The following HIVEP3 variants were observed in gnomAD, a reference collection of about 807,000 sequenced individuals.
HIVEP3 encodes transcription factor HIVEP3.
HIVEP3 carries 49 observed loss-of-function variants against 152.8 expected under a neutral mutation model. The observed-to-expected ratio is 0.32, with a 90% CI of 0.26 to 0.41. The LOEUF (loss-of-function observed/expected upper bound fraction) is 0.41, where lower values mean the gene tolerates loss of function less well. Ranked by LOEUF, HIVEP3 falls within the 10% of genes least tolerant of loss-of-function variation. The probability of loss-of-function intolerance (pLI) is 1.00; values close to 1 mark genes in which losing one functional copy is unlikely to be tolerated. For synonymous variants in HIVEP3, 1,269 were observed against 1,289.0 expected, an observed-to-expected ratio of 0.98 and a Z score of 0.33; for missense variants, 2,790 against 3,103.3, an observed-to-expected ratio of 0.90 and a Z score of 2.40.
intron 2 of HIVEP3, among the ~76,000 whole-genome samples, chr1:41,682,640 G>T (rs1275181130): frequency 6.6e-6 from 1 of 152,082 alleles, no homozygotes; most frequent in Non-Finnish European, 1.5e-5. Flanking sequence ...GGGGACAGGT[G>T]GTGCCTAGGG....
At chr1:41,576,525 G>T (rs559744651) in intron 4 of HIVEP3, among the ~76,000 whole-genome samples, 37 of 152,336 alleles carry the variant, frequency 2.4e-4, no homozygotes, top group African/African-American at 8.4e-4. Context: ...CTGTGCTTAG[G>T]GGCTGGGAGT....
chr1:41,623,989 G>A lies in HIVEP3; in HGVS notation c.-522+4760C>T, dbSNP rs74595257. Among the ~76,000 whole-genome samples, 520 of 152,082 alleles carry A rather than the reference G, an allele frequency of 3.4e-3. 1 individual carries two copies. Among genetic ancestry groups the A allele is most frequent in the African/African-American group, 0.012 (482 of 41,528 alleles). On this transcript the variant is annotated intron_variant, in intron 3 of 8. Coordinates refer to ENST00000372583, the MANE Select transcript of HIVEP3 (RefSeq NM_024503.5). Reference sequence around the variant, plus strand: ...TCTTCTGCACCTTTTCTTCAAAGGCGCGGGCCAGAGGTCATTAAAGCAGCC... The same window carrying A: ...TCTTCTGCACCTTTTCTTCAAAGGCACGGGCCAGAGGTCATTAAAGCAGCC...
At chr1:42,026,052 G>C (rs1403724762) in intron 1 of HIVEP3, among the ~76,000 whole-genome samples, 1 of 151,580 alleles carries the variant, frequency 6.6e-6, no homozygotes, top group East Asian at 1.9e-4. Context: ...CTGGGCGACA[G>C]AGCAAGACCC....
At chr1:41,930,515 G>A (rs1254014493) in intron 1 of HIVEP3, among the ~76,000 whole-genome samples, 1 of 152,132 alleles carries the variant, frequency 6.6e-6, no homozygotes, top group Non-Finnish European at 1.5e-5. Context: ...CTGTTCGCCT[G>A]TTGAAGACCA....
At chr1:41,643,248 C>T (rs1645403161) in intron 2 of HIVEP3, among the ~76,000 whole-genome samples, 1 of 152,200 alleles carries the variant, frequency 6.6e-6, no homozygotes, top group African/African-American at 2.4e-5. Context: ...ACCCAGATCC[C>T]CTAGGAAGGT....
At chr1:41,638,494 T>C (rs986462189) in intron 2 of HIVEP3, among the ~76,000 whole-genome samples, 27 of 152,356 alleles carry the variant, frequency 1.8e-4, no homozygotes, top group African/African-American at 6.5e-4. Context: ...TTTGAATGTA[T>C]TTAATAACAC....
At chr1:41,788,818 C>G (rs189618116) in intron 1 of HIVEP3, among the ~76,000 whole-genome samples, 2 of 152,352 alleles carry the variant, frequency 1.3e-5, no homozygotes, top group East Asian at 3.8e-4. Context: ...GTCATGTCAG[C>G]CAGCTCCAAG....
At chr1:41,775,238 A>C (rs1648621276) in intron 1 of HIVEP3, among the ~76,000 whole-genome samples, 1 of 152,200 alleles carries the variant, frequency 6.6e-6, no homozygotes. Context: ...TCTGGATACA[A>C]GACAAACATC....
intron 1 of HIVEP3, among the ~76,000 whole-genome samples, chr1:41,779,210 C>T (rs1373250435): frequency 3.9e-5 from 6 of 152,302 alleles, no homozygotes; most frequent in Non-Finnish European, 5.9e-5. Context: ...CACCTCTGCA[C>T]GCTCTCCTTG....
intron 1 of HIVEP3, among the ~76,000 whole-genome samples, chr1:42,021,608 T>C (rs1171755614): frequency 6.6e-6 from 1 of 152,078 alleles, no homozygotes; most frequent in Admixed American, 6.6e-5. Flanking sequence ...AAACTGGAAA[T>C]ATAAACTTAG....
chr1:41,932,468 G>C (rs1557528361), intron 1 of HIVEP3, among the ~76,000 whole-genome samples: 2 of 151,872 alleles, frequency 1.3e-5, no homozygotes. Context: ...TGGGCACAGA[G>C]TTGTTTGTTG....
chr1:41,536,699 A>AT (rs955266885), intron 5 of HIVEP3, among the ~76,000 whole-genome samples: 1 of 152,192 alleles, frequency 6.6e-6, no homozygotes, highest in Non-Finnish European at 1.5e-5. Context: ...ACAGATTCAG[A>AT]TTTTTAAAAA....
intron 2 of HIVEP3, among the ~76,000 whole-genome samples, chr1:41,661,221 T>A (rs1645706864): frequency 6.6e-6 from 1 of 152,208 alleles, no homozygotes; most frequent in African/African-American, 2.4e-5. Flanking sequence ...TTTGGCTCTA[T>A]CAGTTTCCCC....
At chr1:42,008,531 C>A (rs1238316566) in intron 1 of HIVEP3, among the ~76,000 whole-genome samples, 1 of 152,298 alleles carries the variant, frequency 6.6e-6, no homozygotes, top group East Asian at 1.9e-4. Context: ...ACTGGGATTT[C>A]TTTTCATTGC....
In HIVEP3 at chr1:41,900,813, G is replaced by A. The variant is rs560896181; in HGVS notation, c.-801+17600C>T. ...CATCTGTTAGGAAGGCTGAAGGAGAGGGAGAAAGGGGAGTGGCCGGAGGTG... is the reference window on the plus strand; with the variant it reads ...CATCTGTTAGGAAGGCTGAAGGAGAAGGAGAAAGGGGAGTGGCCGGAGGTG... On this transcript the variant is annotated intron_variant, in intron 1 of 8. Coordinates refer to ENST00000372583, the MANE Select transcript of HIVEP3 (RefSeq NM_024503.5). Among the ~76,000 whole-genome samples the A allele has an allele frequency of 1.5e-3, 231 of 152,214 alleles. 1 individual carries two copies. Among genetic ancestry groups the A allele is most frequent in the Non-Finnish European group, 2.8e-3 (190 of 68,038 alleles).
intron 1 of HIVEP3, among the ~76,000 whole-genome samples, chr1:41,884,980 T>C (rs1644321546): frequency 1.3e-5 from 2 of 152,344 alleles, no homozygotes; most frequent in South Asian, 2.1e-4. Flanking sequence ...TGGAATTTTG[T>C]TGCGGAGGAT....
In HIVEP3 at chr1:41,584,464, G is replaced by A. The variant is rs1644472277; in HGVS notation, c.334C>T (p.His112Tyr). 5 of 1,614,156 alleles carry A rather than the reference G, an allele frequency of 3.1e-6. No individual in the cohort carries two copies. In the East Asian group the frequency reaches 1.1e-4, roughly 36 times the overall value. Residue 112 changes from histidine to tyrosine, a missense_variant, in exon 4 of 9, where the codon CAT (histidine) becomes TAT (tyrosine). Transcript: ENST00000372583. The surrounding 1 kb of genome is among the most constrained non-coding windows in gnomAD (Gnocchi z 5.2). Reference protein sequence around the residue: ...PAFMSPGKPEHLLEGSTWQLV... With the variant: ...PAFMSPGKPEYLLEGSTWQLV... ...TGCCATGTGGACCCCTCCAGGAGAT[G>A]CTCAGGTTTGCCAGGCGACATGAAT...
intron 1 of HIVEP3, among the ~76,000 whole-genome samples, chr1:41,979,695 T>C (rs1164270079): frequency 6.6e-6 from 1 of 152,202 alleles, no homozygotes; most frequent in Non-Finnish European, 1.5e-5. Flanking sequence ...ATTCTGAAAG[T>C]AACACTGGTT....
intron 1 of HIVEP3, among the ~76,000 whole-genome samples, chr1:41,950,494 GT>G (rs1205209905): frequency 6.6e-6 from 1 of 152,106 alleles, no homozygotes; most frequent in Non-Finnish European, 1.5e-5. Context: ...TCTGATGCTT[GT>G]TTCTAATCAA....
Sources: allele counts gnomAD v4.1 joint callset (sites outside exome capture counted in the v4.1 genomes callset), GRCh38; gene constraint gnomAD v4.1.1; non-coding constraint Gnocchi (gnomAD v3.1); transcripts MANE v1.5; gene names NCBI Gene and HGNC (gene_info 2026-07-23, HGNC 2026-07-21).